The following CSMD1 variants were observed in gnomAD, a reference collection of about 807,000 sequenced individuals.
CSMD1 encodes CUB and Sushi multiple domains 1, also known as CUB and sushi domain-containing protein 1.
A neutral mutation model predicts 417.5 loss-of-function variants in CSMD1; 213 were observed. The observed-to-expected ratio is 0.51, with a 90% CI of 0.46 to 0.57. CSMD1 has a LOEUF of 0.57. Ranked by LOEUF, CSMD1 falls within the 20% of genes least tolerant of loss-of-function variation. The probability of loss-of-function intolerance (pLI) is 0.00; values close to 1 mark genes in which losing one functional copy is unlikely to be tolerated. For synonymous variants in CSMD1, 2,862 were observed against 1,736.8 expected (o/e 1.65, Z -16.11); for missense variants, 6,923 against 4,529.7 (o/e 1.53, Z -15.17).
At chr8:4,144,129 C>G (rs1289560285) in intron 3 of CSMD1, among the ~76,000 whole-genome samples, 3 of 151,060 alleles carry the variant, frequency 2.0e-5, no homozygotes, top group East Asian at 1.9e-4. Context: ...TTCCCTGCCC[C>G]CAGACCCAGA....
At chr8:4,180,660 GCCA>G (rs1353906956) in intron 3 of CSMD1, among the ~76,000 whole-genome samples, 4 of 152,008 alleles carry the variant, frequency 2.6e-5, no homozygotes, top group Admixed American at 2.6e-4. Flanking sequence ...ATCCTGCCCT[GCCA>G]GCACTGGCCA....
chr8:3,667,910 T>C (rs1295638488), intron 7 of CSMD1, among the ~76,000 whole-genome samples: 1 of 152,146 alleles, frequency 6.6e-6, no homozygotes, highest in Non-Finnish European at 1.5e-5. Context: ...AGACTCTGTA[T>C]GTTGCGGAGA....
chr8:4,474,286 G>A (rs1040535823), intron 2 of CSMD1, among the ~76,000 whole-genome samples: 1 of 152,042 alleles, frequency 6.6e-6, no homozygotes, highest in Admixed American at 6.6e-5. Flanking sequence ...GTTCAGCAAG[G>A]TGACAGATTA....
chr8:3,217,617 T>C (rs1001162123), intron 29 of CSMD1, among the ~76,000 whole-genome samples: 1 of 152,208 alleles, frequency 6.6e-6, no homozygotes, highest in African/African-American at 2.4e-5. Context: ...AACTAAATTA[T>C]GATGTGGCAA....
intron 26 of CSMD1, among the ~76,000 whole-genome samples, chr8:3,249,790 C>A (rs774657000): frequency 6.6e-6 from 1 of 151,992 alleles, no homozygotes; most frequent in Non-Finnish European, 1.5e-5. Flanking sequence ...CATGTCTAAA[C>A]TTCATTAGGG....
chr8:2,979,857 A>C (rs1424887126), intron 54 of CSMD1, among the ~76,000 whole-genome samples: 1 of 152,258 alleles, frequency 6.6e-6, no homozygotes, highest in Non-Finnish European at 1.5e-5. Context: ...CCATGTGTGA[A>C]GTTCGGGCAA....
At chr8:3,438,562 G>C (rs999822156) in intron 12 of CSMD1, among the ~76,000 whole-genome samples, 3 of 152,182 alleles carry the variant, frequency 2.0e-5, no homozygotes, top group Non-Finnish European at 2.9e-5. Flanking sequence ...CATCAAGTTG[G>C]TGCTTGTATC....
intron 1 of CSMD1, among the ~76,000 whole-genome samples, chr8:4,861,334 G>C (rs868302728): frequency 2.6e-5 from 4 of 152,074 alleles, no homozygotes; most frequent in African/African-American, 9.7e-5. Flanking sequence ...AAAATGTGAA[G>C]CTTGACATTT....
chr8:3,590,883 A>C (rs1451235719), intron 8 of CSMD1, among the ~76,000 whole-genome samples: 2 of 152,234 alleles, frequency 1.3e-5, no homozygotes, highest in Non-Finnish European at 2.9e-5. Context: ...TTCAATTTCC[A>C]AGCCATGTGT....
At chr8:3,816,110 T>A (rs1366673530) in intron 5 of CSMD1, among the ~76,000 whole-genome samples, 2 of 152,156 alleles carry the variant, frequency 1.3e-5, no homozygotes, top group Non-Finnish European at 2.9e-5. Context: ...TAGGTCTCTA[T>A]CTCATTAACA....
chr8:3,819,239 C>A (rs946592887), intron 5 of CSMD1, among the ~76,000 whole-genome samples: 3 of 152,108 alleles, frequency 2.0e-5, no homozygotes, highest in African/African-American at 7.2e-5. Flanking sequence ...GCTGTGTAGT[C>A]AAACACCTCT....
At chr8:3,142,989 C>A (rs563379628) in intron 40 of CSMD1, among the ~76,000 whole-genome samples, 1 of 152,182 alleles carries the variant, frequency 6.6e-6, no homozygotes, top group Non-Finnish European at 1.5e-5. Flanking sequence ...CTAGCACACA[C>A]GCACTCGGGG....
At position 2,961,133 on chromosome 8, in the gene CSMD1, T is replaced by C. The variant is rs1196994360; in HGVS notation, c.9702+8A>G. The C allele has an allele frequency of 6.6e-7, 1 of 1,523,102 alleles. No individual in the cohort carries two copies. The highest frequency in any genetic ancestry group is 8.9e-7 in the Non-Finnish European group (1 of 1,121,716). 94.3% of individuals were successfully genotyped at this position (1,523,102 alleles called of 1,614,324 possible). A position where few individuals can be genotyped will look rare whatever the true frequency, so the allele number is the denominator to read the frequency against. ...GAAAGAAAACATAGTAAATTCATAATGAACTACCTCATAGCCTCTGGAGCT... is the reference window on the plus strand; with the variant it reads ...GAAAGAAAACATAGTAAATTCATAACGAACTACCTCATAGCCTCTGGAGCT... On this transcript the variant is annotated splice_region_variant and intron_variant, in intron 62 of 69. Transcript: ENST00000635120.
At chr8:3,936,240 G>A (rs528363343) in intron 5 of CSMD1, among the ~76,000 whole-genome samples, 1 of 151,306 alleles carries the variant, frequency 6.6e-6, no homozygotes, top group Admixed American at 6.6e-5. Flanking sequence ...AGCAGCAAGT[G>A]ATGATGGAAA....
At chr8:4,191,085 A>C (rs529006015) in intron 3 of CSMD1, among the ~76,000 whole-genome samples, 4 of 144,102 alleles carry the variant, frequency 2.8e-5, no homozygotes, top group African/African-American at 1.2e-4. Context: ...ATGGATTAAA[A>C]TAAAATAAAA....
chr8:4,208,575 T>G (rs1000961567), intron 3 of CSMD1, among the ~76,000 whole-genome samples: 2 of 152,236 alleles, frequency 1.3e-5, no homozygotes, highest in African/African-American at 4.8e-5. Flanking sequence ...TCATTCTATT[T>G]TCTTTTTCCT....
chr8:3,258,835 G>A (rs1800846785), intron 26 of CSMD1, among the ~76,000 whole-genome samples: 1 of 152,186 alleles, frequency 6.6e-6, no homozygotes, highest in Admixed American at 6.5e-5. Flanking sequence ...GCAAACAAAT[G>A]CAGGAAGAGA....
chr8:3,066,606 G>C (rs577408545), intron 49 of CSMD1, among the ~76,000 whole-genome samples: 7 of 152,316 alleles, frequency 4.6e-5, no homozygotes, highest in Admixed American at 2.0e-4. Context: ...AGACAGACAA[G>C]AGAGTAATAG....
chr8:4,775,137 T>A (rs1168670000), intron 1 of CSMD1, among the ~76,000 whole-genome samples: 1 of 152,172 alleles, frequency 6.6e-6, no homozygotes, highest in Non-Finnish European at 1.5e-5. Context: ...TAAACAGAAT[T>A]TTCCCCAGGA....
Sources: gnomAD v4.1 joint callset for allele counts (sites outside exome capture counted in the v4.1 genomes callset) on GRCh38, gnomAD v4.1.1 for gene constraint, MANE v1.5 for transcripts, NCBI Gene and HGNC (gene_info 2026-07-23, HGNC 2026-07-21) for gene names.